Variants in KCNMA1 observed in about 807,000 individuals in gnomAD.
KCNMA1 encodes the protein Calcium-activated potassium channel subunit alpha-1.
Under a neutral mutation model 140.0 loss-of-function variants are expected in KCNMA1, and 29 were observed. That is an observed-to-expected ratio of 0.21 (90% CI 0.15 to 0.28). The LOEUF is 0.28. KCNMA1 is among the 10% of genes least tolerant of loss of function. The probability of loss-of-function intolerance (pLI) is 1.00; values close to 1 mark genes in which losing one functional copy is unlikely to be tolerated. For synonymous variants in KCNMA1, 612 were observed against 611.9 expected (o/e 1.00, Z 0.00); for missense variants, 880 against 1,602.2 (o/e 0.55, Z 7.70).
At chr10:77,440,668 G>T (rs1603620119) in intron 1 of KCNMA1, among the ~76,000 whole-genome samples, 1 of 152,190 alleles carries the variant, frequency 6.6e-6, no homozygotes, top group African/African-American at 2.4e-5. Flanking sequence ...GTCCAGAAAA[G>T]GGGAGGAAAA....
At chr10:77,224,254 T>A (rs2050602994) in intron 3 of KCNMA1, among the ~76,000 whole-genome samples, 1 of 152,218 alleles carries the variant, frequency 6.6e-6, no homozygotes. Context: ...CCATGGCCCA[T>A]AGCCCCAGAC....
chr10:77,155,087 G>A (rs1312990072), intron 5 of KCNMA1, among the ~76,000 whole-genome samples: 1 of 152,164 alleles, frequency 6.6e-6, no homozygotes, highest in Non-Finnish European at 1.5e-5. Context: ...GAAGGCAGAA[G>A]CTCTAAGGCC....
intron 5 of KCNMA1, among the ~76,000 whole-genome samples, chr10:77,163,244 T>C (rs2098589818): frequency 6.6e-6 from 1 of 152,208 alleles, no homozygotes; most frequent in African/African-American, 2.4e-5. Context: ...ATGAAAATTG[T>C]ATGAAATTCA....
At chr10:77,637,218 A>G in intron 1 of KCNMA1, 47 bp downstream of exon 1, 1 of 1,521,902 alleles carries the variant, frequency 6.6e-7, no homozygotes, top group Non-Finnish European at 8.9e-7. Context: ...GGACGCCGAG[A>G]AGCGGTGGGG....
chr10:77,530,890 C>T (rs967393805), intron 1 of KCNMA1, among the ~76,000 whole-genome samples: 2 of 152,172 alleles, frequency 1.3e-5, no homozygotes, highest in African/African-American at 4.8e-5. Context: ...AAATCACGAG[C>T]TCTGATGTAC....
chr10:77,153,920 G>A (rs562243674), intron 5 of KCNMA1, among the ~76,000 whole-genome samples: 2 of 152,236 alleles, frequency 1.3e-5, no homozygotes, highest in South Asian at 2.1e-4. Context: ...CTTTCCCAAC[G>A]TCATTTGTAA....
intron 1 of KCNMA1, among the ~76,000 whole-genome samples, chr10:77,553,340 C>T (rs529857470): frequency 6.6e-6 from 1 of 152,272 alleles, no homozygotes; most frequent in South Asian, 2.1e-4. Context: ...ATGACTCTTC[C>T]CCCATTGGCC....
intron 25 of KCNMA1, among the ~76,000 whole-genome samples, chr10:76,906,804 G>A (rs2048010209): frequency 6.6e-6 from 1 of 152,098 alleles, no homozygotes; most frequent in Admixed American, 6.6e-5. Context: ...TTAAGGTTGG[G>A]GTAGAATGCA....
chr10:76,887,699 C>T, intron 27 of KCNMA1, 184 bp from the exon 28 acceptor site: 1 of 695,668 alleles, frequency 1.4e-6, no homozygotes, highest in South Asian at 1.8e-5. Flanking sequence ...CTCTGTTTAA[C>T]TCAATAAAGG....
At chr10:77,433,842 C>T (rs1364152532) in intron 1 of KCNMA1, 5 of 152,126 alleles carry the variant, frequency 3.3e-5, no homozygotes, top group Non-Finnish European at 5.9e-5. Flanking sequence ...CCTGGCTGAT[C>T]GATTTCATTT....
At chr10:77,016,576 C>G (rs1172203822) in intron 17 of KCNMA1, among the ~76,000 whole-genome samples, 1 of 152,098 alleles carries the variant, frequency 6.6e-6, no homozygotes, top group Non-Finnish European at 1.5e-5. Flanking sequence ...CTTTTTTCAC[C>G]TTGGCAACTC....
intron 1 of KCNMA1, among the ~76,000 whole-genome samples, chr10:77,607,422 A>C (rs183223731): frequency 1.3e-3 from 205 of 152,316 alleles, no homozygotes; most frequent in African/African-American, 4.4e-3. Context: ...CATCCCTGGA[A>C]TCTGTGACTG....
At chr10:77,271,137 A>G (rs946540597) in intron 2 of KCNMA1, among the ~76,000 whole-genome samples, 9 of 152,238 alleles carry the variant, frequency 5.9e-5, no homozygotes, top group Admixed American at 2.0e-4. Context: ...TGTTTAACAG[A>G]CAAACATTTT....
chr10:76,955,547 A>G (rs752031502), intron 20 of KCNMA1, among the ~76,000 whole-genome samples: 3 of 152,242 alleles, frequency 2.0e-5, no homozygotes, highest in Non-Finnish European at 2.9e-5. Context: ...AATATCTGTC[A>G]TATCTGATCT....
At chr10:77,098,085 C>T (rs117142305) in intron 9 of KCNMA1, among the ~76,000 whole-genome samples, 5 of 152,326 alleles carry the variant, frequency 3.3e-5, no homozygotes, top group Non-Finnish European at 7.3e-5. Context: ...TCTGTGTCTA[C>T]ACCTCCACCA....
intron 5 of KCNMA1, among the ~76,000 whole-genome samples, chr10:77,157,448 TA>T (rs572154190): frequency 1.4e-3 from 193 of 142,608 alleles, no homozygotes; most frequent in Middle Eastern, 3.6e-3. Context: ...TCAAATGTTT[TA>T]TGATATTTGC....
At chr10:77,613,667 G>C (rs926946153) in intron 1 of KCNMA1, among the ~76,000 whole-genome samples, 1 of 152,148 alleles carries the variant, frequency 6.6e-6, no homozygotes, top group East Asian at 1.9e-4. Context: ...TCTGTTCTCC[G>C]ACAGGATGTT....
intron 9 of KCNMA1, among the ~76,000 whole-genome samples, chr10:77,102,403 G>T (rs764279135): frequency 6.6e-6 from 1 of 152,198 alleles, no homozygotes; most frequent in South Asian, 2.1e-4. Flanking sequence ...AAGGAACAAA[G>T]GTTCTGAGTG....
At chr10:77,184,182 AT>A (rs1185298644) in intron 4 of KCNMA1, among the ~76,000 whole-genome samples, 2 of 151,946 alleles carry the variant, frequency 1.3e-5, no homozygotes, top group African/African-American at 4.8e-5. Flanking sequence ...GCTAAACGTA[AT>A]TTTAAGAGCT....
Sources: gnomAD v4.1 joint callset for allele counts (sites outside exome capture counted in the v4.1 genomes callset) on GRCh38, gnomAD v4.1.1 for gene constraint, MANE v1.5 for transcripts, NCBI Gene and HGNC (gene_info 2026-07-23, HGNC 2026-07-21) for gene names.